The following CRIM1 variants were observed in gnomAD, a reference collection of about 807,000 sequenced individuals.
CRIM1 encodes the protein cysteine-rich motor neuron 1 protein.
CRIM1 carries 32 observed loss-of-function variants against 116.4 expected under a neutral mutation model. That is an observed-to-expected ratio of 0.27 (90% CI 0.21 to 0.37). The LOEUF is 0.37. Among genes scored for constraint, CRIM1 ranks in the 10% least tolerant of loss-of-function variants. The probability of loss-of-function intolerance (pLI) is 1.00; values close to 1 mark genes in which losing one functional copy is unlikely to be tolerated. For missense variants in CRIM1, 1,331 were observed against 1,354.8 expected (o/e 0.98, Z 0.28); for synonymous variants, 590 against 509.2 (o/e 1.16, Z -2.13).
chr2:36,498,507 T>C (rs1680759659), intron 7 of CRIM1, among the ~76,000 whole-genome samples: 1 of 152,210 alleles, frequency 6.6e-6, no homozygotes, highest in African/African-American at 2.4e-5. Context: ...GTAGTTACCG[T>C]TATTACCCAA....
rs750540264 is a variant in CRIM1, at chr2:36,356,389, C to T, written c.97C>T (p.Arg33Trp). 74 of 1,600,148 alleles carry T rather than the reference C, an allele frequency of 4.6e-5. No individual in the cohort carries two copies. In the East Asian group the frequency reaches 5.0e-4, roughly 11 times the overall value. ...GCTGCTGCTGGCGCGCTCCGGCACC[C>T]GGGCGCTGGTCTGCCTGCCCTGTGA... ...LLLLLARSGT[R>W]ALVCLPCDES... The change falls in exon 1 of 17, where the codon CGG becomes TGG. Residue 33 changes from arginine (R) to tryptophan (W), a missense_variant. Transcript: ENST00000280527. The surrounding 1 kb of genome is among the most constrained non-coding windows in gnomAD (Gnocchi z 4.3).
intron 8 of CRIM1, among the ~76,000 whole-genome samples, chr2:36,505,347 G>A (rs967751359): frequency 1.3e-5 from 2 of 151,542 alleles, no homozygotes; most frequent in African/African-American, 4.9e-5. Flanking sequence ...GAGGCTAATT[G>A]ATATAAACAA....
At chr2:36,393,786 C>G (rs1437116971) in intron 1 of CRIM1, among the ~76,000 whole-genome samples, 2 of 152,164 alleles carry the variant, frequency 1.3e-5, no homozygotes, top group Non-Finnish European at 2.9e-5. Flanking sequence ...GGGAGCAGTT[C>G]CTGCGTGTTT....
chr2:36,546,992 C>A lies in CRIM1; in HGVS notation c.2755C>A (p.His919Asn). Residue 919 changes from histidine (H) to asparagine (N), a missense_variant, in exon 16 of 17, where the codon CAC becomes AAC. Physicochemically the swap from His to Asn is moderately conservative, Grantham distance 68 (BLOSUM62 1). Coordinates refer to ENST00000280527, the MANE Select transcript of CRIM1 (RefSeq NM_016441.3). Reference sequence around the variant, plus strand: ...AATTTTTTTTCTCCTAGATATGGGTCACCTCCAGGTAGATTACAGAGATAA... The same window carrying A: ...AATTTTTTTTCTCCTAGATATGGGTAACCTCCAGGTAGATTACAGAGATAA... Reference protein sequence around the residue: ...DIVHLPRDMGHLQVDYRDNRL... With the variant: ...DIVHLPRDMGNLQVDYRDNRL... The A allele has an allele frequency of 6.3e-7, 1 of 1,580,932 alleles. No individual in the cohort carries two copies. The highest frequency in any genetic ancestry group is 8.6e-7 in the Non-Finnish European group (1 of 1,163,956).
At chr2:36,402,829 G>T (rs1472448930) in intron 2 of CRIM1, among the ~76,000 whole-genome samples, 3 of 151,840 alleles carry the variant, frequency 2.0e-5, no homozygotes, top group Non-Finnish European at 4.4e-5. Flanking sequence ...TAAGCAAATT[G>T]TAGTGCCCTT....
intron 2 of CRIM1, among the ~76,000 whole-genome samples, chr2:36,408,709 G>A (rs1161300061): frequency 1.3e-5 from 2 of 152,080 alleles, no homozygotes; most frequent in Admixed American, 1.3e-4. Context: ...TCGTTAGTTA[G>A]TGTAATTAGT....
At chr2:36,376,433 C>A (rs922944210) in intron 1 of CRIM1, among the ~76,000 whole-genome samples, 12 of 152,206 alleles carry the variant, frequency 7.9e-5, no homozygotes, top group Admixed American at 1.3e-4. Flanking sequence ...GACTGCATTT[C>A]CTTGCTTACA....
At position 36,409,606 on chromosome 2, in the gene CRIM1, A is replaced by G. The variant is rs796898866; in HGVS notation, c.505+12819A>G. Among the ~76,000 whole-genome samples the G allele has an allele frequency of 3.9e-5, 6 of 152,334 alleles. No individual in the cohort carries two copies. The East Asian group carries it at 5.8e-4, about 15-fold the overall frequency. On this transcript the variant is annotated intron_variant, in intron 2 of 16. Transcript: ENST00000280527. ...AGACACAAGGAGTTATAATGAGGGT[A>G]GAGCAGCCATACCCAGTCTGAATAG...
At chr2:36,440,443 C>A (rs1463436605) in intron 2 of CRIM1, among the ~76,000 whole-genome samples, 1 of 152,154 alleles carries the variant, frequency 6.6e-6, no homozygotes, top group Non-Finnish European at 1.5e-5. Flanking sequence ...CCTCAAGGGC[C>A]TTATGTTCGT....
chr2:36,502,319 TA>T (rs1408538278), intron 8 of CRIM1, among the ~76,000 whole-genome samples: 1 of 152,332 alleles, frequency 6.6e-6, no homozygotes, highest in Non-Finnish European at 1.5e-5. Context: ...GTTGAGACTA[TA>T]AGGAGGATGC....
rs78516058 is a variant in CRIM1 at position 36,490,887 on chromosome 2, G to T, written c.1373-8332G>T. ...TAACTGAGCTGCTCAGCCTCCATCA[G>T]TCTGCCAGGCACCAGGATACCATCA... is the stretch of plus-strand genomic sequence containing the variant. On this transcript the variant is annotated intron_variant, in intron 7 of 16. Coordinates refer to ENST00000280527, the MANE Select transcript of CRIM1 (RefSeq NM_016441.3). Among the ~76,000 whole-genome samples, 1,326 of 152,238 alleles carry T rather than the reference G, an allele frequency of 8.7e-3. 17 individuals carry two copies. The highest frequency in any genetic ancestry group is 0.031 in the African/African-American group (1,276 of 41,534).
intron 10 of CRIM1, 102 bp downstream of exon 10, chr2:36,512,496 C>T: frequency 7.8e-7 from 1 of 1,280,034 alleles, no homozygotes; most frequent in East Asian, 2.4e-5. Context: ...TGGTTGCTGC[C>T]TATTCTAACA....
intron 4 of CRIM1, among the ~76,000 whole-genome samples, chr2:36,463,329 G>T (rs1677726803): frequency 6.6e-6 from 1 of 152,126 alleles, no homozygotes; most frequent in African/African-American, 2.4e-5. Flanking sequence ...AGAACAATAA[G>T]TGAACAAACC....
chr2:36,424,203 A>G (rs563135037), intron 2 of CRIM1, among the ~76,000 whole-genome samples: 1 of 151,560 alleles, frequency 6.6e-6, no homozygotes, highest in South Asian at 2.1e-4. Flanking sequence ...AACATTTTAT[A>G]AAGTAGGTTG....
rs570331773 is a variant in CRIM1 at position 36,479,499 on chromosome 2, C to G, written c.1177C>G (p.Pro393Ala). 166 of 1,614,064 alleles carry G rather than the reference C, an allele frequency of 1.0e-4. No homozygotes were observed. In the South Asian group the frequency reaches 1.7e-3, roughly 16 times the overall value. ...EGECCPVCED[P>A]VYPFNNPAGC... ...TCTGAACTCATGTTCTCATTTAGAT[C>G]CAGTGTATCCTTTTAATAATCCCGC... The change falls in exon 7 of 17, where the codon CCA (proline) becomes GCA (alanine). Residue 393 changes from proline to alanine, a missense_variant and splice_region_variant. By Grantham distance (27) the Pro-to-Ala change is conservative (BLOSUM62 -1). Transcript: ENST00000280527.
chr2:36,545,185 CTT>C (rs373502095), intron 15 of CRIM1, among the ~76,000 whole-genome samples: 3 of 152,258 alleles, frequency 2.0e-5, no homozygotes, highest in Non-Finnish European at 2.9e-5. Context: ...TGCTATATAA[CTT>C]ATATTTCTTT....
chr2:36,383,638 C>G (rs1337197005), intron 1 of CRIM1, among the ~76,000 whole-genome samples: 1 of 152,100 alleles, frequency 6.6e-6, no homozygotes, highest in Admixed American at 6.5e-5. Context: ...AGTTTCTGCT[C>G]TCAAGAAGCT....
rs528529738 is a variant in CRIM1 at position 36,356,635 on chromosome 2, C to G, written c.331+12C>G. On this transcript the variant is annotated intron_variant, in intron 1 of 16. Transcript: ENST00000280527. This position sits in a 1 kb window ranked among gnomAD's most constrained non-coding sequence, Gnocchi z 4.3. Reference sequence around the variant, plus strand: ...GGGCGTTTGCGAAGGTACGGCCGCCCGCTGCGGGCCCCCTCCCACCTGGCC... The same window carrying G: ...GGGCGTTTGCGAAGGTACGGCCGCCGGCTGCGGGCCCCCTCCCACCTGGCC... 8.8e-6 allele frequency: 14 copies of G among 1,597,566 alleles called. No homozygotes were observed. The highest frequency in any genetic ancestry group is 1.1e-5 in the South Asian group (1 of 89,448).
At chr2:36,542,058 A>C (rs769015258) in intron 14 of CRIM1, among the ~76,000 whole-genome samples, 12 of 152,306 alleles carry the variant, frequency 7.9e-5, no homozygotes, top group Non-Finnish European at 1.5e-4. Context: ...AGGACTGTGA[A>C]CTGGAGCTGT....
Sources: gnomAD v4.1 joint callset for allele counts (sites outside exome capture counted in the v4.1 genomes callset) on GRCh38, gnomAD v4.1.1 for gene constraint, Gnocchi (gnomAD v3.1) non-coding constraint, MANE v1.5 for transcripts, NCBI Gene and HGNC (gene_info 2026-07-23, HGNC 2026-07-21) for gene names.